Variants in GRM5 observed in about 807,000 individuals in gnomAD.
GRM5 encodes the protein glutamate metabotropic receptor 5.
A neutral mutation model predicts 83.1 loss-of-function variants in GRM5; 19 were observed. The observed-to-expected ratio is 0.23, with a 90% CI of 0.16 to 0.34. The LOEUF is 0.34. Ranked by LOEUF, GRM5 falls within the 10% of genes least tolerant of loss-of-function variation. The pLI, the probability that GRM5 is intolerant of heterozygous loss-of-function variation, is 1.00. For missense variants in GRM5, 1,160 were observed against 1,588.3 expected, an observed-to-expected ratio of 0.73 and a Z score of 4.58; for synonymous variants, 675 against 633.6, an observed-to-expected ratio of 1.07 and a Z score of -0.98.
chr11:88,903,148 C>T (rs191183726), intron 2 of GRM5, among the ~76,000 whole-genome samples: 2 of 151,670 alleles, frequency 1.3e-5, no homozygotes, highest in East Asian at 3.9e-4. Context: ...GGGGCAGGGG[C>T]GAAGCAAATG....
At chr11:88,741,689 A>G (rs762747804) in intron 3 of GRM5, among the ~76,000 whole-genome samples, 2 of 151,728 alleles carry the variant, frequency 1.3e-5, no homozygotes, top group Admixed American at 6.6e-5. Context: ...TAATATATGC[A>G]AGACATAATC....
chr11:89,020,467 G>T (rs1940955045), intron 2 of GRM5, among the ~76,000 whole-genome samples: 1 of 152,198 alleles, frequency 6.6e-6, no homozygotes, highest in South Asian at 2.1e-4. Flanking sequence ...GTGATAGACT[G>T]TTGGAATTGC....
intron 9 of GRM5, among the ~76,000 whole-genome samples, chr11:88,516,693 G>C (rs1202937527): frequency 4.7e-5 from 7 of 148,692 alleles, no homozygotes; most frequent in Non-Finnish European, 8.9e-5. Flanking sequence ...AAGTCTCTTG[G>C]TTTAAGAAGG....
At chr11:88,757,721 G>A (rs1304508627) in intron 3 of GRM5, among the ~76,000 whole-genome samples, 2 of 152,132 alleles carry the variant, frequency 1.3e-5, no homozygotes, top group South Asian at 2.1e-4. Context: ...GCACCCACTA[G>A]CACCCTGCTG....
At chr11:88,761,551 G>C (rs1375147756) in intron 3 of GRM5, among the ~76,000 whole-genome samples, 2 of 152,006 alleles carry the variant, frequency 1.3e-5, no homozygotes, top group African/African-American at 4.8e-5. Context: ...AGAAATCAGA[G>C]ATGACACAAA....
At chr11:88,536,910 C>T (rs1034925559) in intron 8 of GRM5, among the ~76,000 whole-genome samples, 2 of 152,030 alleles carry the variant, frequency 1.3e-5, no homozygotes, top group African/African-American at 4.8e-5. Context: ...AAAACTTTCC[C>T]TATATCATTT....
At chr11:88,562,527 A>G (rs1369429919) in intron 8 of GRM5, among the ~76,000 whole-genome samples, 1 of 152,138 alleles carries the variant, frequency 6.6e-6, no homozygotes, top group Admixed American at 6.6e-5. Flanking sequence ...AAGTTCTGTA[A>G]GGTGGCAGAA....
chr11:88,827,476 T>C (rs1486494915), intron 3 of GRM5, among the ~76,000 whole-genome samples: 1 of 152,256 alleles, frequency 6.6e-6, no homozygotes, highest in Non-Finnish European at 1.5e-5. Context: ...AACTTTGCTT[T>C]AGGACAAATG....
intron 3 of GRM5, among the ~76,000 whole-genome samples, chr11:88,819,334 G>T (rs539665113): frequency 1.2e-4 from 18 of 152,152 alleles, no homozygotes; most frequent in Non-Finnish European, 2.4e-4. Flanking sequence ...TTACATATTT[G>T]TCTAGATTGT....
chr11:88,713,678 A>G lies in GRM5; in HGVS notation c.912-60275T>C, dbSNP rs562294390. ...TGATGTTGCAGAAATCATAGAAAGAAAAACAACATTTTTTCTCCAGTGGGA... is the reference window on the plus strand; with the variant it reads ...TGATGTTGCAGAAATCATAGAAAGAGAAACAACATTTTTTCTCCAGTGGGA... On this transcript the variant is annotated intron_variant, in intron 3 of 9. Transcript: ENST00000305447. Among the ~76,000 whole-genome samples, 4 of 152,190 alleles carry G rather than the reference A, an allele frequency of 2.6e-5. No individual in the cohort carries two copies. The South Asian group carries it at 6.2e-4, about 24-fold the overall frequency.
At chr11:89,032,043 ATTAAT>A (rs1317974098) in intron 2 of GRM5, among the ~76,000 whole-genome samples, 6 of 152,070 alleles carry the variant, frequency 3.9e-5, no homozygotes, top group Non-Finnish European at 7.4e-5. Flanking sequence ...TAAAAATACT[ATTAAT>A]TTAATTTGCA....
intron 2 of GRM5, among the ~76,000 whole-genome samples, chr11:88,870,910 A>G (rs1482554331): frequency 1.3e-5 from 2 of 151,434 alleles, no homozygotes; most frequent in Admixed American, 6.6e-5. Flanking sequence ...TTTGAAAATA[A>G]TAATAATAAT....
At chr11:88,985,703 G>A (rs1939683899) in intron 2 of GRM5, among the ~76,000 whole-genome samples, 1 of 152,126 alleles carries the variant, frequency 6.6e-6, no homozygotes, top group African/African-American at 2.4e-5. Flanking sequence ...TGCAATGTCA[G>A]TATTATTATC....
In GRM5 at chr11:88,509,172, G is replaced by T; in HGVS notation, c.3059C>A (p.Ser1020Ter). The change falls in exon 10 of 10, where the codon TCG becomes TAG. Residue 1020 changes from serine (S) to a stop codon, truncating the protein, a stop_gained. Transcript: ENST00000305447. LOFTEE classifies it low-confidence loss of function (END_TRUNC). ...GCGGTGGCTCAGCGTGCTGATGGGC[G>T]ACGGTGAGCGCGGCCGCGCGGGCGC... ...FPAPARPRSP[S>*]PISTLSHRAG... The T allele has an allele frequency of 6.5e-7, 1 of 1,536,588 alleles. No individual in the cohort carries two copies. Among genetic ancestry groups the T allele is most frequent in the Non-Finnish European group, 8.7e-7 (1 of 1,143,676 alleles).
chr11:88,594,113 A>C (rs1384403393), intron 6 of GRM5, among the ~76,000 whole-genome samples: 1 of 152,130 alleles, frequency 6.6e-6, no homozygotes, highest in African/African-American at 2.4e-5. Flanking sequence ...CGTTTTCAAA[A>C]TGTATTGCTG....
intron 3 of GRM5, among the ~76,000 whole-genome samples, chr11:88,729,718 A>T (rs1376414387): frequency 1.3e-5 from 2 of 151,988 alleles, no homozygotes; most frequent in African/African-American, 4.8e-5. Flanking sequence ...CAGAAATAAC[A>T]TCACACATCT....
At chr11:88,627,913 T>C (rs1015151520) in intron 4 of GRM5, among the ~76,000 whole-genome samples, 6 of 152,222 alleles carry the variant, frequency 3.9e-5, no homozygotes, top group Admixed American at 6.5e-5. Context: ...AATTAAGATA[T>C]AGAAGAAAAT....
At chr11:88,788,855 T>C (rs1223165635) in intron 3 of GRM5, among the ~76,000 whole-genome samples, 2 of 152,136 alleles carry the variant, frequency 1.3e-5, no homozygotes, top group Non-Finnish European at 1.5e-5. Context: ...AAACTTTTCA[T>C]AGGCAAGAAA....
intron 2 of GRM5, among the ~76,000 whole-genome samples, chr11:88,882,165 A>T (rs11021650): frequency 0.025 from 3,847 of 151,990 alleles, 172 homozygotes; most frequent in African/African-American, 0.089. Flanking sequence ...TGAACCCAGG[A>T]GGTGGAGGTT....
Sources: allele counts gnomAD v4.1 joint callset (sites outside exome capture counted in the v4.1 genomes callset), GRCh38; gene constraint gnomAD v4.1.1; transcripts MANE v1.5; gene names NCBI Gene and HGNC (gene_info 2026-07-23, HGNC 2026-07-21).